Variants in PIP5K1B observed in about 807,000 individuals in gnomAD.
The protein encoded by PIP5K1B is phosphatidylinositol-4-phosphate 5-kinase type 1 beta, also known as phosphatidylinositol 4-phosphate 5-kinase type-1 beta.
PIP5K1B carries 42 observed loss-of-function variants against 67.0 expected under a neutral mutation model. The ratio of observed to expected loss-of-function variants is 0.63; its 90% CI spans 0.49 to 0.81. The LOEUF (loss-of-function observed/expected upper bound fraction) is 0.81. Ranked by LOEUF, PIP5K1B falls within the 30% of genes least tolerant of loss-of-function variation. PIP5K1B has a pLI of 0.00. For synonymous variants in PIP5K1B, 214 were observed against 231.4 expected (o/e 0.92, Z 0.68); for missense variants, 459 against 646.3 (o/e 0.71, Z 3.14).
intron 14 of PIP5K1B, among the ~76,000 whole-genome samples, chr9:68,946,685 C>T (rs767382515): frequency 3.9e-5 from 6 of 152,294 alleles, no homozygotes; most frequent in African/African-American, 1.4e-4. Flanking sequence ...TGAGCCACCA[C>T]GCCCAGCCTG....
At chr9:68,971,779 TA>T (rs1829383835) in intron 14 of PIP5K1B, among the ~76,000 whole-genome samples, 1 of 152,268 alleles carries the variant, frequency 6.6e-6, no homozygotes, top group African/African-American at 2.4e-5. Flanking sequence ...GTTGGCTGCA[TA>T]AATGTCTTCT....
chr9:68,826,932 A>G (rs7045502), intron 4 of PIP5K1B, among the ~76,000 whole-genome samples: 8,707 of 72,800 alleles, frequency 0.12, 485 homozygotes, highest in African/African-American at 0.23. Context: ...TTTGTATTTT[A>G]GTTGAGATGG....
chr9:68,750,339 C>T (rs2132347872), intron 2 of PIP5K1B, among the ~76,000 whole-genome samples: 1 of 152,352 alleles, frequency 6.6e-6, no homozygotes, highest in East Asian at 1.9e-4. Context: ...TGCTAACTCA[C>T]TGAACTCTTT....
intron 13 of PIP5K1B, among the ~76,000 whole-genome samples, chr9:68,937,461 A>AT (rs1384761648): frequency 2.0e-5 from 3 of 152,132 alleles, no homozygotes; most frequent in Non-Finnish European, 1.5e-5. Flanking sequence ...CCCCTATATC[A>AT]TTTTTTATTG....
chr9:69,007,055 A>G (rs900990551), intron 15 of PIP5K1B, among the ~76,000 whole-genome samples: 1 of 152,180 alleles, frequency 6.6e-6, no homozygotes, highest in African/African-American at 2.4e-5. Flanking sequence ...CCTACAGATT[A>G]TTTTTGAGTA....
chr9:68,999,740 A>G (rs1214787656), intron 15 of PIP5K1B, among the ~76,000 whole-genome samples: 2 of 152,198 alleles, frequency 1.3e-5, no homozygotes, highest in Non-Finnish European at 2.9e-5. Flanking sequence ...AGCAAAGCCT[A>G]GGAAGCTCCT....
chr9:68,809,232 T>C (rs1295667385), intron 2 of PIP5K1B, among the ~76,000 whole-genome samples: 2 of 152,336 alleles, frequency 1.3e-5, no homozygotes, highest in East Asian at 3.9e-4. Context: ...TGTTTAAGCC[T>C]CAGAAAATAA....
chr9:68,714,544 C>T (rs1177336863), intron 1 of PIP5K1B, among the ~76,000 whole-genome samples: 1 of 152,198 alleles, frequency 6.6e-6, no homozygotes, highest in Non-Finnish European at 1.5e-5. Flanking sequence ...AACCAGGGCA[C>T]TTGTGATGGT....
At chr9:68,776,456 T>A (rs1830921497) in intron 2 of PIP5K1B, among the ~76,000 whole-genome samples, 1 of 151,792 alleles carries the variant, frequency 6.6e-6, no homozygotes, top group Non-Finnish European at 1.5e-5. Flanking sequence ...CTAGATATTG[T>A]TATGGTCATT....
intron 1 of PIP5K1B, among the ~76,000 whole-genome samples, chr9:68,719,263 CAT>C (rs934868228): frequency 3.9e-5 from 6 of 152,130 alleles, no homozygotes; most frequent in African/African-American, 1.4e-4. Flanking sequence ...TTAAGTTAAA[CAT>C]AGTGGCAATT....
intron 1 of PIP5K1B, among the ~76,000 whole-genome samples, chr9:68,719,831 C>A (rs1448838605): frequency 6.6e-6 from 1 of 152,208 alleles, no homozygotes; most frequent in Non-Finnish European, 1.5e-5. Flanking sequence ...CATGATGCAT[C>A]ATTTCATTTT....
At chr9:68,730,994 TA>T (rs1554705997) in intron 1 of PIP5K1B, among the ~76,000 whole-genome samples, 1 of 152,244 alleles carries the variant, frequency 6.6e-6, no homozygotes, top group Non-Finnish European at 1.5e-5. Context: ...TTAGTTGAAA[TA>T]TGCTTCTTCA....
chr9:68,832,685 A>G (rs181786250), intron 4 of PIP5K1B, among the ~76,000 whole-genome samples: 5 of 152,326 alleles, frequency 3.3e-5, no homozygotes, highest in Non-Finnish European at 5.9e-5. Context: ...ACATGCACGT[A>G]CACCCAGACA....
intron 2 of PIP5K1B, chr9:68,783,421 C>T (rs1831417591): frequency 6.0e-6 from 1 of 166,944 alleles, no homozygotes; most frequent in East Asian, 1.9e-4. Flanking sequence ...GCAATGTATA[C>T]CTGCTGATTG....
intron 8 of PIP5K1B, among the ~76,000 whole-genome samples, chr9:68,897,598 A>G (rs375937405): frequency 6.6e-6 from 1 of 152,196 alleles, no homozygotes; most frequent in Non-Finnish European, 1.5e-5. Context: ...TAGGGAGAGC[A>G]TGTGGGGTAG....
intron 5 of PIP5K1B, among the ~76,000 whole-genome samples, chr9:68,872,525 A>T (rs1252762877): frequency 6.6e-6 from 1 of 152,168 alleles, no homozygotes; most frequent in Non-Finnish European, 1.5e-5. Context: ...CTAACTTTTT[A>T]AATTTATTTA....
At chr9:68,931,898 G>A (rs146729894) in intron 12 of PIP5K1B, among the ~76,000 whole-genome samples, 501 of 152,290 alleles carry the variant, frequency 3.3e-3, no homozygotes, top group African/African-American at 0.011. Flanking sequence ...CCAGTCAAAA[G>A]AGATCCTGAG....
At chr9:68,968,169 C>A (rs10746979) in intron 14 of PIP5K1B, among the ~76,000 whole-genome samples, 102,056 of 152,040 alleles carry the variant, frequency 0.67, 37,053 homozygotes, top group Non-Finnish European at 0.8. Flanking sequence ...GAATCATAAT[C>A]CCCATACCAT....
At chr9:68,824,596 G>A (rs1833891916) in intron 4 of PIP5K1B, among the ~76,000 whole-genome samples, 1 of 152,068 alleles carries the variant, frequency 6.6e-6, no homozygotes, top group Non-Finnish European at 1.5e-5. Flanking sequence ...GTTTTAAAAA[G>A]TATAAGCAAT....
Sources: allele counts gnomAD v4.1 joint callset (sites outside exome capture counted in the v4.1 genomes callset), GRCh38; gene constraint gnomAD v4.1.1; transcripts MANE v1.5; gene names NCBI Gene and HGNC (gene_info 2026-07-23, HGNC 2026-07-21).